The following AGBL1 variants were observed in gnomAD, a reference collection of about 807,000 sequenced individuals.
The protein encoded by AGBL1 is AGBL carboxypeptidase 1, also known as cytosolic carboxypeptidase 4.
A neutral mutation model predicts 118.9 loss-of-function variants in AGBL1; 130 were observed. That is an observed-to-expected ratio of 1.09 (90% CI 0.95 to 1.26). The LOEUF is 1.26. Among genes scored for constraint, AGBL1 ranks in the 50% most tolerant of loss-of-function variants. The probability of loss-of-function intolerance (pLI) is 0.00; values close to 1 mark genes in which losing one functional copy is unlikely to be tolerated. For synonymous variants in AGBL1, 555 were observed against 478.9 expected (o/e 1.16, Z -2.08); for missense variants, 1,584 against 1,298.1 (o/e 1.22, Z -3.38).
At chr15:86,266,546 C>A in intron 12 of AGBL1, 89 bp downstream of exon 12, 1 of 888,512 alleles carries the variant, frequency 1.1e-6, no homozygotes, top group Non-Finnish European at 1.7e-6. Context: ...TAATAATCCA[C>A]TCCTCCTCCT....
intron 24 of AGBL1, among the ~76,000 whole-genome samples, chr15:87,028,449 A>G (rs142713451): frequency 1.5e-3 from 229 of 152,068 alleles, no homozygotes; most frequent in African/African-American, 5.1e-3. Flanking sequence ...TCATGTGTAA[A>G]CAATAATACT....
intron 1 of AGBL1, among the ~76,000 whole-genome samples, chr15:86,098,411 C>T (rs558448431): frequency 6.6e-6 from 1 of 152,134 alleles, no homozygotes; most frequent in East Asian, 1.9e-4. Flanking sequence ...AAAGTGTCTC[C>T]CCTAAGGTTT....
chr15:86,762,954 A>G (rs2078047275), intron 22 of AGBL1, among the ~76,000 whole-genome samples: 1 of 151,936 alleles, frequency 6.6e-6, no homozygotes, highest in Non-Finnish European at 1.5e-5. Context: ...AGAGAAGGGA[A>G]AACACCATAG....
At chr15:86,820,150 A>G (rs539494731) in intron 22 of AGBL1, among the ~76,000 whole-genome samples, 45 of 152,364 alleles carry the variant, frequency 3.0e-4, no homozygotes, top group Non-Finnish European at 5.4e-4. Flanking sequence ...CTCAAGATGG[A>G]TATAAGACTT....
At chr15:86,794,064 A>T (rs1358159496) in intron 22 of AGBL1, among the ~76,000 whole-genome samples, 1 of 152,250 alleles carries the variant, frequency 6.6e-6, no homozygotes, top group Non-Finnish European at 1.5e-5. Flanking sequence ...AGTTAAACAT[A>T]AAATTACCAC....
At chr15:86,291,957 A>G (rs1024652899) in intron 16 of AGBL1, among the ~76,000 whole-genome samples, 6 of 152,176 alleles carry the variant, frequency 3.9e-5, no homozygotes, top group African/African-American at 1.4e-4. Context: ...TGGTATAAAC[A>G]TGCTTCTTAT....
intron 22 of AGBL1, among the ~76,000 whole-genome samples, chr15:86,740,923 C>G (rs992094251): frequency 1.3e-5 from 2 of 152,094 alleles, no homozygotes; most frequent in African/African-American, 4.8e-5. Context: ...CCCTCCATCC[C>G]TCAGAGGATA....
intron 21 of AGBL1, among the ~76,000 whole-genome samples, chr15:86,625,552 G>A (rs2084874755): frequency 6.6e-6 from 1 of 151,466 alleles, no homozygotes; most frequent in South Asian, 2.1e-4. Context: ...GTGACTCCTG[G>A]GAACTGAGTT....
chr15:86,081,758 C>G (rs1895300496), intron 1 of AGBL1, among the ~76,000 whole-genome samples: 2 of 152,204 alleles, frequency 1.3e-5, no homozygotes, highest in South Asian at 2.1e-4. Flanking sequence ...ATCTCATGGA[C>G]AGAATTTTCC....
rs187462838 is a variant in AGBL1 at position 86,768,704 on chromosome 15, T to C, written c.3158+94268T>C. 3.9e-3 allele frequency among the ~76,000 whole-genome samples: 587 copies of C among 152,064 alleles called. 2 individuals are homozygous for C. The highest frequency in any genetic ancestry group is 6.5e-3 in the Non-Finnish European group (443 of 67,928). On this transcript the variant is annotated intron_variant, in intron 22 of 22. Transcript: ENST00000614907. The stretch of plus-strand genomic sequence containing the variant: ...ATTTTCTAGATTTTCTTTATGGGAG[T>C]TATAAAAATTAAACCATATGAAATT...
At chr15:86,135,791 TC>T (rs1036908368) in intron 1 of AGBL1, among the ~76,000 whole-genome samples, 1 of 152,084 alleles carries the variant, frequency 6.6e-6, no homozygotes, top group African/African-American at 2.4e-5. Context: ...CTAACTCCCC[TC>T]CCCTTAAATT....
At chr15:86,642,078 A>T (rs1246551894) in intron 21 of AGBL1, among the ~76,000 whole-genome samples, 1 of 152,190 alleles carries the variant, frequency 6.6e-6, no homozygotes, top group Non-Finnish European at 1.5e-5. Context: ...TGCTTGCATC[A>T]TGTCCACAAA....
chr15:87,005,449 A>T (rs564077180), intron 24 of AGBL1, among the ~76,000 whole-genome samples: 1 of 152,116 alleles, frequency 6.6e-6, no homozygotes. Context: ...TTGATCTTCA[A>T]TCACTGATAC....
At chr15:86,225,132 G>A (rs541076486) in intron 6 of AGBL1, among the ~76,000 whole-genome samples, 181 bp downstream of exon 6, 48 of 151,508 alleles carry the variant, frequency 3.2e-4, no homozygotes, top group Admixed American at 1.6e-3. Context: ...TTGGGGGTAA[G>A]ATAGAGAATA....
intron 5 of AGBL1, among the ~76,000 whole-genome samples, chr15:86,169,504 G>A (rs2077386149): frequency 6.6e-6 from 1 of 152,112 alleles, no homozygotes; most frequent in Non-Finnish European, 1.5e-5. Flanking sequence ...TAGAGGATAG[G>A]TTACAAGACC....
intron 23 of AGBL1, among the ~76,000 whole-genome samples, chr15:86,937,116 C>T (rs1161879058): frequency 6.6e-6 from 1 of 152,124 alleles, no homozygotes; most frequent in Non-Finnish European, 1.5e-5. Flanking sequence ...TCATCTCACA[C>T]CTCTAAGAAT....
Position 86,376,473 on chromosome 15 carries a change from T to G in AGBL1, c.2375-20893T>G, listed in dbSNP as rs181947385. ...TGCATAGGACAGAGTCCAGGAGGAA[T>G]TGAAATGCAGAGATTCTGCTCCTTT... On this transcript the variant is annotated intron_variant, in intron 17 of 22. Transcript: ENST00000614907. Among the ~76,000 whole-genome samples, 500 of 152,224 alleles carry G rather than the reference T, an allele frequency of 3.3e-3. 3 individuals carry two copies. The highest frequency in any genetic ancestry group is 0.011 in the African/African-American group (477 of 41,540).
intron 20 of AGBL1, among the ~76,000 whole-genome samples, chr15:86,549,939 G>A (rs2083642437): frequency 6.6e-6 from 1 of 151,676 alleles, no homozygotes; most frequent in South Asian, 2.1e-4. Flanking sequence ...TAGTGTTGAT[G>A]AGTATCATAA....
chr15:86,674,430 T>TCCAACGGTAAGATGCTC lies in AGBL1; in HGVS notation c.3157_3158+15dup. 1.2e-6 allele frequency: 2 copies of TCCAACGGTAAGATGCTC among 1,604,936 alleles called. No homozygotes were observed. The highest frequency in any genetic ancestry group is 1.7e-6 in the Non-Finnish European group (2 of 1,173,092). On this transcript the variant is annotated stop_gained and frameshift_variant, in exon 22 of 23. Coordinates refer to ENST00000614907, the MANE Select transcript of AGBL1 (RefSeq NM_001386094.1). LOFTEE classifies it low-confidence loss of function (END_TRUNC). ...GAGGAGGACGCTCTGGACCAGCACC[T>TCCAACGGTAAGATGCTC]CCAACGGTAAGATGCTCCCAAGGGC...
Sources: gnomAD v4.1 joint callset for allele counts (sites outside exome capture counted in the v4.1 genomes callset) on GRCh38, gnomAD v4.1.1 for gene constraint, MANE v1.5 for transcripts, NCBI Gene and HGNC (gene_info 2026-07-23, HGNC 2026-07-21) for gene names.